The following ACOX1 variants were observed in gnomAD, a reference collection of about 807,000 sequenced individuals.
ACOX1 encodes acyl-CoA oxidase 1, also known as peroxisomal acyl-coenzyme A oxidase 1.
ACOX1 carries 41 observed loss-of-function variants against 75.5 expected under a neutral mutation model. The observed-to-expected ratio is 0.54, with a 90% CI of 0.42 to 0.70. ACOX1 has a LOEUF of 0.70. Ranked by LOEUF, ACOX1 falls within the 30% of genes least tolerant of loss-of-function variation. The probability of loss-of-function intolerance (pLI) is 0.00; values close to 1 mark genes in which losing one functional copy is unlikely to be tolerated. For missense variants in ACOX1, 630 were observed against 837.5 expected, an observed-to-expected ratio of 0.75 and a Z score of 3.06; for synonymous variants, 303 against 298.8, an observed-to-expected ratio of 1.01 and a Z score of -0.15.
intron 2 of ACOX1, chr17:75,973,896 C>T (rs1245678333): frequency 1.9e-6 from 2 of 1,046,962 alleles, no homozygotes; most frequent in Non-Finnish European, 2.9e-6. Context: ...AAAATGTAAA[C>T]CCCCTTCTTA....
intron 2 of ACOX1, among the ~76,000 whole-genome samples, chr17:75,972,714 T>C (rs2066008881): frequency 6.6e-6 from 1 of 151,826 alleles, no homozygotes; most frequent in South Asian, 2.1e-4. Flanking sequence ...ATAATTTCAG[T>C]ACTGACCATC....
intron 13 of ACOX1, among the ~76,000 whole-genome samples, chr17:75,947,686 TTGTGTG>T (rs139373608): frequency 0.12 from 17,950 of 149,408 alleles, 1,651 homozygotes; most frequent in African/African-American, 0.25. Context: ...TTTATTCTAT[TTGTGTG>T]TGTGTGTGTG....
In ACOX1 at chr17:75,946,088, T is replaced by C; in HGVS notation, c.*660A>G. 1 of 154,292 alleles carries C rather than the reference T, an allele frequency of 6.5e-6. No individual in the cohort carries two copies. The highest frequency in any genetic ancestry group is 1.4e-5 in the Non-Finnish European group (1 of 69,392). 9.6% of individuals were successfully genotyped at this position (154,292 alleles called of 1,614,324 possible). ...TTTAGCAATCCTTCAAATGGAAAAT[T>C]CCTAATTACACGAGACAATGGTCCT... On this transcript the variant is annotated 3_prime_UTR_variant, in exon 14 of 14. Coordinates refer to ENST00000293217, the MANE Select transcript of ACOX1 (RefSeq NM_004035.7).
chr17:75,946,385 A>T lies in ACOX1; in HGVS notation c.*363T>A. 1 of 330,222 alleles carries T rather than the reference A, an allele frequency of 3.0e-6. No individual in the cohort carries two copies. Among genetic ancestry groups the T allele is most frequent in the Non-Finnish European group, 5.9e-6 (1 of 170,440 alleles). 20.5% of individuals were successfully genotyped at this position (330,222 alleles called of 1,614,324 possible). ...ACTTCAAAAATACCTTTGCTTAAAA[A>T]CACTTATATAGCCAGTGATTAGCAA... is the stretch of plus-strand genomic sequence containing the variant. On this transcript the variant is annotated 3_prime_UTR_variant, in exon 14 of 14. Transcript: ENST00000293217.
At chr17:75,955,105 T>C (rs8068793) in intron 6 of ACOX1, among the ~76,000 whole-genome samples, 3,716 of 150,490 alleles carry the variant, frequency 0.025, 155 homozygotes, top group African/African-American at 0.084. Context: ...CTTGACCTCA[T>C]GATCTTCCCG....
chr17:75,975,515 C>A (rs561035818), intron 2 of ACOX1, among the ~76,000 whole-genome samples: 44 of 152,318 alleles, frequency 2.9e-4, no homozygotes. Context: ...AAAAAACTCT[C>A]AACATGGATG....
rs747192384 is a variant in ACOX1 at position 75,949,883 on chromosome 17, CT to C, written c.1312del (p.Ser438ValfsTer18). On this transcript the variant is annotated frameshift_variant, in exon 10 of 14. Transcript: ENST00000293217. LOFTEE classifies it high-confidence loss of function. ...MLQTARFLMK[S>X]YDQVHSGKLV... ...CTTTCCTGAGTGCACCTGATCATAA[CT>C]TTTCATCAGGAACCTAAAAGTCACC... 7 of 1,614,080 alleles carry C rather than the reference CT, an allele frequency of 4.3e-6. No individual in the cohort carries two copies. The Admixed American group carries it at 1.2e-4, about 27-fold the overall frequency.
intron 2 of ACOX1, among the ~76,000 whole-genome samples, chr17:75,964,139 G>A (rs993229185): frequency 1.4e-5 from 2 of 141,374 alleles, no homozygotes; most frequent in East Asian, 2.0e-4. Context: ...AGCCAAGATC[G>A]CACCACTGCA....
chr17:75,949,341 AC>A lies in ACOX1; in HGVS notation c.1603del (p.Val535Ter). The A allele has an allele frequency of 6.2e-7, 1 of 1,614,154 alleles. No individual in the cohort carries two copies. On this transcript the variant is annotated frameshift_variant, in exon 12 of 14. Coordinates refer to ENST00000293217, the MANE Select transcript of ACOX1 (RefSeq NM_004035.7). LOFTEE classifies it high-confidence loss of function. ...RASEAHCHYV[V>X]VKLFSEKLLK... ...GAGTTTTTCTGAAAAGAGCTTAACT[AC>A]CACATAGTGGCAATGTGCCTAAGAT...
intron 2 of ACOX1, among the ~76,000 whole-genome samples, chr17:75,974,598 C>CTT (rs1437634475): frequency 6.6e-6 from 1 of 152,174 alleles, no homozygotes. Context: ...ATCTTCACGA[C>CTT]TTCTCAACAC....
At position 75,943,798 on chromosome 17, in the gene ACOX1, G is replaced by T. The variant is rs541106478; in HGVS notation, c.*2950C>A. On this transcript the variant is annotated 3_prime_UTR_variant, in exon 14 of 14. Coordinates refer to ENST00000293217, the MANE Select transcript of ACOX1 (RefSeq NM_004035.7). ...ATAAAGTAGAACTCCAAACACTTGGGCAAGAAGAAAATCCATTGCAAATAG... is the reference window on the plus strand; with the variant it reads ...ATAAAGTAGAACTCCAAACACTTGGTCAAGAAGAAAATCCATTGCAAATAG... 1 of 152,218 alleles carries T rather than the reference G, an allele frequency of 6.6e-6. No homozygotes were observed. The highest frequency in any genetic ancestry group is 2.4e-5 in the African/African-American group (1 of 41,530). 9.4% of individuals were successfully genotyped at this position (152,218 alleles called of 1,614,324 possible). A position where few individuals can be genotyped will look rare whatever the true frequency, so the allele number is the denominator to read the frequency against.
rs1340364439 is a variant in ACOX1, at chr17:75,953,614, G to C, written c.781C>G (p.Pro261Ala). 6.2e-7 allele frequency: 1 copy of C among 1,614,068 alleles called. No homozygotes were observed. Reference sequence around the variant, plus strand: ...AGCGGTTTCACGTATGTGCCATCAGGCTTCACCTGGAAGAAGAACGTGGAA... The same window carrying C: ...AGCGGTTTCACGTATGTGCCATCAGCCTTCACCTGGAAGAAGAACGTGGAA... ...NMLMKYAQVK[P>A]DGTYVKPLSN... Residue 261 changes from proline to alanine, a missense_variant, in exon 7 of 14, where the codon CCT becomes GCT. Physicochemically the swap from Pro to Ala is conservative, Grantham distance 27. Around this residue, in one of 2 missense-constraint regions of ACOX1, gnomAD observed 390 missense variants for 574.9 expected, o/e 0.68. Transcript: ENST00000293217.
chr17:75,944,990 C>T lies in ACOX1; in HGVS notation c.*1758G>A, dbSNP rs1052748754. ...CAAACTCCTGACCTCAGGTGATCCA[C>T]CCGCTTCGGCCTCCCAAAGTGCTTG... On this transcript the variant is annotated 3_prime_UTR_variant, in exon 14 of 14. Transcript: ENST00000293217. The T allele has an allele frequency of 2.0e-5, 3 of 152,184 alleles. No homozygotes were observed. The highest frequency in any genetic ancestry group is 2.9e-5 in the Non-Finnish European group (2 of 68,048). 9.4% of individuals were successfully genotyped at this position (152,184 alleles called of 1,614,324 possible).
At chr17:75,951,264 C>T (rs2065771311) in intron 8 of ACOX1, 151 bp downstream of exon 8, 1 of 936,258 alleles carries the variant, frequency 1.1e-6, no homozygotes, top group Admixed American at 2.1e-5. Flanking sequence ...CCCCACAGAT[C>T]TTCATATCTG....
chr17:75,949,672 C>G, intron 10 of ACOX1, 46 bp downstream of exon 10: 1 of 1,613,548 alleles, frequency 6.2e-7, no homozygotes, highest in Non-Finnish European at 8.5e-7. Flanking sequence ...TCTGTCAGGG[C>G]CCCAGCCCCA....
rs768543241 is a variant in ACOX1 at position 75,978,851 on chromosome 17, G to C, written c.109+114C>G. 5 of 1,597,430 alleles carry C rather than the reference G, an allele frequency of 3.1e-6. No homozygotes were observed. The highest frequency in any genetic ancestry group is 4.3e-6 in the Non-Finnish European group (5 of 1,176,180). ...GGCTGTTCCTCGAAGTGGGGGTCCC[G>C]GCTCCCCTAACGCTGGGCCAGAGGG... On this transcript the variant is annotated intron_variant, in intron 1 of 13. Coordinates refer to ENST00000293217, the MANE Select transcript of ACOX1 (RefSeq NM_004035.7). This position sits in a 1 kb window ranked among gnomAD's most constrained non-coding sequence, Gnocchi z 4.2.
chr17:75,953,786 G>C (rs1010012446), intron 6 of ACOX1, among the ~76,000 whole-genome samples, 166 bp from the exon 7 acceptor site: 1 of 152,248 alleles, frequency 6.6e-6, no homozygotes, highest in Non-Finnish European at 1.5e-5. Context: ...AGAAACTCCA[G>C]GGTAGGGCCT....
intron 2 of ACOX1, among the ~76,000 whole-genome samples, chr17:75,971,512 C>T (rs1220496482): frequency 6.6e-6 from 1 of 151,878 alleles, no homozygotes; most frequent in Non-Finnish European, 1.5e-5. Flanking sequence ...GAGGCTGAGA[C>T]AGGTGGATCA....
Position 75,960,288 on chromosome 17 carries a change from C to T in ACOX1, c.357G>A (p.Gln119=), listed in dbSNP as rs978208996. The change falls in exon 3 of 14, where the codon CAG becomes CAA. Residue 119 remains glutamine (Q), a synonymous_variant. Coordinates refer to ENST00000293217, the MANE Select transcript of ACOX1 (RefSeq NM_004035.7). The surrounding 1 kb of genome is among the most constrained non-coding windows in gnomAD (Gnocchi z 4.4). The stretch of plus-strand genomic sequence containing the variant: ...AGGCGGGCATGAAGAAGCGCTCCTG[C>T]TGCTCCGCAGTTGCCTGGTGAAGCA... The part of the protein sequence containing the change: ...PTLLHQATAE[Q]QERFFMPAWN... The T allele has an allele frequency of 6.2e-7, 1 of 1,614,226 alleles. No homozygotes were observed. Among genetic ancestry groups the T allele is most frequent in the African/African-American group, 1.3e-5 (1 of 75,062 alleles).
Sources: gnomAD v4.1 joint callset for allele counts (sites outside exome capture counted in the v4.1 genomes callset) on GRCh38, gnomAD v4.1.1 for gene constraint, gnomAD v4.1.1 regional missense constraint, Gnocchi (gnomAD v3.1) non-coding constraint, MANE v1.5 for transcripts, NCBI Gene and HGNC (gene_info 2026-07-23, HGNC 2026-07-21) for gene names.